Variants in RGS6 observed in about 807,000 individuals in gnomAD.
The protein encoded by RGS6 is regulator of G-protein signaling 6.
A neutral mutation model predicts 78.5 loss-of-function variants in RGS6; 30 were observed. The ratio of observed to expected loss-of-function variants is 0.38; its 90% CI spans 0.29 to 0.52. RGS6 has a LOEUF of 0.52. RGS6 is among the 20% of genes least tolerant of loss of function. The pLI is 0.85. For synonymous variants in RGS6, 206 were observed against 206.0 expected, an observed-to-expected ratio of 1.00 and a Z score of 0.00; for missense variants, 495 against 609.7, an observed-to-expected ratio of 0.81 and a Z score of 1.98.
chr14:72,288,847 A>G (rs1314876610), intron 2 of RGS6, among the ~76,000 whole-genome samples: 1 of 152,176 alleles, frequency 6.6e-6, no homozygotes, highest in Non-Finnish European at 1.5e-5. Context: ...CATCTTATGT[A>G]GATTTTTTAA....
chr14:72,101,574 A>G (rs1409204746), intron 2 of RGS6, among the ~76,000 whole-genome samples: 1 of 152,068 alleles, frequency 6.6e-6, no homozygotes, highest in Non-Finnish European at 1.5e-5. Flanking sequence ...CTGTTGTGCT[A>G]TTATCCTCTC....
At chr14:72,081,612 C>T (rs773466760) in intron 2 of RGS6, among the ~76,000 whole-genome samples, 2 of 152,050 alleles carry the variant, frequency 1.3e-5, no homozygotes, top group Non-Finnish European at 2.9e-5. Flanking sequence ...CCCTTTTTAA[C>T]TTACTTCTCT....
chr14:72,540,459 G>C, intron 17 of RGS6: 1 of 1,481,578 alleles, frequency 6.7e-7, no homozygotes, highest in Non-Finnish European at 8.9e-7. Flanking sequence ...ACTATACCGT[G>C]AAATAAATTG....
chr14:72,349,530 G>A (rs1372667904), intron 2 of RGS6, among the ~76,000 whole-genome samples: 1 of 152,158 alleles, frequency 6.6e-6, no homozygotes, highest in African/African-American at 2.4e-5. Flanking sequence ...CAGGAACTGG[G>A]GGGCAATAAT....
At chr14:72,151,955 G>GA (rs1482335329) in intron 2 of RGS6, among the ~76,000 whole-genome samples, 1 of 152,152 alleles carries the variant, frequency 6.6e-6, no homozygotes, top group Non-Finnish European at 1.5e-5. Flanking sequence ...GAAGAAACAT[G>GA]AACTTGAAAA....
rs1205361185 is a variant in RGS6 at position 72,229,368 on chromosome 14, TTGTGGGGAAAATCACG to T, written c.85-122725_85-122710del. Among the ~76,000 whole-genome samples the T allele has an allele frequency of 1.2e-4, 18 of 146,990 alleles. No homozygotes were observed. The East Asian group carries it at 3.9e-3, about 32-fold the overall frequency. Reference sequence around the variant, plus strand: ...CCCCTGATCAAGCAGATCTTGAACCTTGTGGGGAAAATCACGTCTCTGGTGGTCACTGGATGCCTGG... The same window carrying T: ...CCCCTGATCAAGCAGATCTTGAACCTTCTCTGGTGGTCACTGGATGCCTGG... On this transcript the variant is annotated intron_variant, in intron 2 of 17. Transcript: ENST00000553525.
chr14:71,988,156 C>T (rs1393588697), intron 2 of RGS6, among the ~76,000 whole-genome samples: 1 of 152,146 alleles, frequency 6.6e-6, no homozygotes, highest in East Asian at 1.9e-4. Context: ...TAGATGAGCC[C>T]TTCGAGGAGC....
At position 72,491,554 on chromosome 14, in the gene RGS6, G is replaced by A. The variant is rs150941375; in HGVS notation, c.855-3598G>A. On this transcript the variant is annotated intron_variant, in intron 12 of 17. Coordinates refer to ENST00000553525, the MANE Select transcript of RGS6 (RefSeq NM_001204424.2). ...CATTTGTCCAAGATACAAAGTTTAC[G>A]TAATTGGGGAACATAACCACAGGCC... Among the ~76,000 whole-genome samples the A allele has an allele frequency of 8.5e-5, 13 of 152,236 alleles. No homozygotes were observed. In the East Asian group the frequency reaches 9.6e-4, roughly 11 times the overall value.
chr14:72,344,131 A>T (rs1003152191), intron 2 of RGS6, among the ~76,000 whole-genome samples: 7 of 152,220 alleles, frequency 4.6e-5, no homozygotes, highest in African/African-American at 1.7e-4. Context: ...CTAAAGTATC[A>T]ACAAGCCATT....
chr14:72,582,049 C>T, the RGS6 span, among the ~76,000 whole-genome samples: 2 of 152,156 alleles, frequency 1.3e-5, no homozygotes, highest in Non-Finnish European at 2.9e-5. Context: ...TATCGACCTA[C>T]TTTCATGGGA....
chr14:72,059,537 T>C (rs1217140219), intron 2 of RGS6, among the ~76,000 whole-genome samples: 1 of 152,212 alleles, frequency 6.6e-6, no homozygotes, highest in Non-Finnish European at 1.5e-5. Context: ...TGGTACTGTT[T>C]AGAACACATG....
At chr14:71,948,307 C>T (rs1444917639) in intron 1 of RGS6, among the ~76,000 whole-genome samples, 2 of 152,208 alleles carry the variant, frequency 1.3e-5, no homozygotes, top group African/African-American at 4.8e-5. Context: ...ATGGTTCGAT[C>T]TGTGTGTCTG....
intron 3 of RGS6, among the ~76,000 whole-genome samples, chr14:72,379,768 A>G (rs1034614369): frequency 2.0e-5 from 3 of 152,122 alleles, no homozygotes; most frequent in African/African-American, 7.2e-5. Flanking sequence ...TATGGATTCA[A>G]TGCAATCTCT....
At chr14:72,171,773 T>A (rs1385159299) in intron 2 of RGS6, among the ~76,000 whole-genome samples, 1 of 152,230 alleles carries the variant, frequency 6.6e-6, no homozygotes, top group Non-Finnish European at 1.5e-5. Context: ...ACCTTTCATA[T>A]TGAAATCTGA....
intron 3 of RGS6, among the ~76,000 whole-genome samples, chr14:72,408,395 T>C (rs1287673790): frequency 6.6e-6 from 1 of 152,214 alleles, no homozygotes; most frequent in African/African-American, 2.4e-5. Flanking sequence ...GATCACCTTA[T>C]AACTGAGTGC....
intron 2 of RGS6, among the ~76,000 whole-genome samples, chr14:72,284,971 C>A (rs188216369): frequency 5.7e-4 from 87 of 152,256 alleles, no homozygotes; most frequent in Non-Finnish European, 7.2e-4. Flanking sequence ...TTGGATGGGA[C>A]CTTTAGCCCC....
At chr14:72,627,803 G>C in the RGS6 span, among the ~76,000 whole-genome samples, 2 of 151,988 alleles carry the variant, frequency 1.3e-5, no homozygotes, top group African/African-American at 2.4e-5. Flanking sequence ...CTTTCAATTT[G>C]TTCTTTGTGT....
chr14:72,488,756 C>T (rs1288835445), intron 12 of RGS6, among the ~76,000 whole-genome samples: 1 of 152,178 alleles, frequency 6.6e-6, no homozygotes, highest in African/African-American at 2.4e-5. Flanking sequence ...CTATTGTCCC[C>T]TCAGCCCAGC....
At chr14:71,942,886 G>C (rs2090864358) in intron 1 of RGS6, among the ~76,000 whole-genome samples, 1 of 152,172 alleles carries the variant, frequency 6.6e-6, no homozygotes, top group South Asian at 2.1e-4. Flanking sequence ...AATAGCTCAG[G>C]CTATGCAAAT....
Sources: gnomAD v4.1 joint callset for allele counts (sites outside exome capture counted in the v4.1 genomes callset) on GRCh38, gnomAD v4.1.1 for gene constraint, MANE v1.5 for transcripts, NCBI Gene and HGNC (gene_info 2026-07-23, HGNC 2026-07-21) for gene names.